IQGAP2: variants seen among roughly 807,000 people sequenced by gnomAD.
The protein encoded by IQGAP2 is IQ motif containing GTPase activating protein 2, also known as ras GTPase-activating-like protein IQGAP2.
IQGAP2 carries 173 observed loss-of-function variants against 201.3 expected under a neutral mutation model. The ratio of observed to expected loss-of-function variants is 0.86; its 90% CI spans 0.76 to 0.98. IQGAP2 has a LOEUF of 0.98. IQGAP2 is among the 50% of genes least tolerant of loss of function. The pLI, the probability that IQGAP2 is intolerant of heterozygous loss-of-function variation, is 0.00. For synonymous variants in IQGAP2, 675 were observed against 673.9 expected (o/e 1.00, Z -0.03); for missense variants, 1,687 against 1,864.8 (o/e 0.90, Z 1.76).
intron 32 of IQGAP2, among the ~76,000 whole-genome samples, chr5:76,696,889 C>G (rs1333827664): frequency 6.9e-6 from 1 of 145,232 alleles, no homozygotes; most frequent in Admixed American, 6.9e-5. Flanking sequence ...GAAGAATATT[C>G]TATTTAATGA....
At chr5:76,499,172 CAAG>C (rs1392700955) in intron 2 of IQGAP2, among the ~76,000 whole-genome samples, 1 of 152,196 alleles carries the variant, frequency 6.6e-6, no homozygotes, top group Admixed American at 6.5e-5. Flanking sequence ...TGTCTTAACA[CAAG>C]AAGCCGTCTC....
chr5:76,638,348 C>T (rs1000212431), intron 16 of IQGAP2, among the ~76,000 whole-genome samples: 2 of 152,092 alleles, frequency 1.3e-5, no homozygotes, highest in African/African-American at 4.8e-5. Flanking sequence ...CATTGCACTC[C>T]AGCCTGGGCG....
intron 2 of IQGAP2, among the ~76,000 whole-genome samples, chr5:76,470,579 G>T (rs942314779): frequency 2.0e-5 from 3 of 152,094 alleles, no homozygotes; most frequent in Non-Finnish European, 4.4e-5. Context: ...TTGTTGGTTT[G>T]TGTTTTTGTT....
chr5:76,621,588 G>A (rs555139737), intron 13 of IQGAP2, among the ~76,000 whole-genome samples: 1 of 152,184 alleles, frequency 6.6e-6, no homozygotes, highest in Non-Finnish European at 1.5e-5. Flanking sequence ...AAAACCAAGT[G>A]TTTGTCCGTT....
chr5:76,485,814 G>A (rs1407523585), intron 2 of IQGAP2, among the ~76,000 whole-genome samples: 1 of 152,178 alleles, frequency 6.6e-6, no homozygotes, highest in Non-Finnish European at 1.5e-5. Context: ...CCTGTTCTCT[G>A]TAGCTTCTGG....
At chr5:76,693,491 TTCA>T in intron 31 of IQGAP2, 49 bp downstream of exon 31, 2 of 1,170,188 alleles carry the variant, frequency 1.7e-6, no homozygotes, top group Non-Finnish European at 2.5e-6. Context: ...GTTGATTTTC[TTCA>T]TAAATCTTTA....
In IQGAP2 at chr5:76,597,569, C is replaced by T. The variant is rs369254878; in HGVS notation, c.1038C>T (p.Asn346=). The T allele has an allele frequency of 1.7e-5, 27 of 1,613,780 alleles. No individual in the cohort carries two copies. Among genetic ancestry groups the T allele is most frequent in the East Asian group, 1.3e-4 (6 of 44,884 alleles). ...VYPFAAAMYQ[N]ELFNLQKQNT... ...CCTTTGCTGCTGCCATGTATCAGAA[C>T]GAACTTTTCAACCTCCAGAAACAGA... Residue 346 remains asparagine, a synonymous_variant, in exon 10 of 36, where the codon AAC becomes AAT. Transcript: ENST00000274364.
chr5:76,563,976 T>C (rs903694959), intron 3 of IQGAP2, among the ~76,000 whole-genome samples: 15 of 152,232 alleles, frequency 9.9e-5, no homozygotes, highest in African/African-American at 2.9e-4. Flanking sequence ...CAAATTTATT[T>C]TGAGTCTGTT....
intron 2 of IQGAP2, among the ~76,000 whole-genome samples, chr5:76,507,704 C>T (rs1307311876): frequency 1.3e-5 from 2 of 152,054 alleles, no homozygotes; most frequent in African/African-American, 4.8e-5. Flanking sequence ...AATAAGAAAA[C>T]AATCTGATTA....
At chr5:76,521,163 C>A (rs1411633583) in intron 2 of IQGAP2, among the ~76,000 whole-genome samples, 2 of 151,988 alleles carry the variant, frequency 1.3e-5, no homozygotes, top group African/African-American at 4.8e-5. Context: ...TTTTCAGAAT[C>A]TGATTTAAGT....
intron 28 of IQGAP2, among the ~76,000 whole-genome samples, chr5:76,681,328 G>A (rs1473972485): frequency 6.6e-6 from 1 of 151,878 alleles, no homozygotes; most frequent in Non-Finnish European, 1.5e-5. Flanking sequence ...CACATGTCTG[G>A]TAAAGGGTTA....
At chr5:76,416,929 A>G (rs1751439494) in intron 1 of IQGAP2, among the ~76,000 whole-genome samples, 4 of 152,064 alleles carry the variant, frequency 2.6e-5, no homozygotes, top group Admixed American at 2.6e-4. Context: ...CCTGGGCTCA[A>G]GTGATCCTCC....
intron 23 of IQGAP2, 37 bp downstream of exon 23, chr5:76,668,881 A>G: frequency 7.5e-7 from 1 of 1,332,972 alleles, no homozygotes; most frequent in Non-Finnish European, 1.0e-6. Flanking sequence ...ATACCAGTGA[A>G]TCAATCCTTT....
At chr5:76,590,665 C>A in intron 8 of IQGAP2, 79 bp downstream of exon 8, 2 of 1,101,082 alleles carry the variant, frequency 1.8e-6, no homozygotes, top group Non-Finnish European at 1.3e-6. Context: ...ATGTTGAAAG[C>A]AATACTTTTA....
intron 1 of IQGAP2, among the ~76,000 whole-genome samples, chr5:76,429,592 A>T (rs1229544666): frequency 7.8e-6 from 1 of 127,680 alleles, no homozygotes; most frequent in East Asian, 2.0e-4. Flanking sequence ...TTATATATAT[A>T]TATATGTATA....
intron 2 of IQGAP2, among the ~76,000 whole-genome samples, chr5:76,540,859 C>T (rs1742723070): frequency 6.6e-6 from 1 of 152,132 alleles, no homozygotes; most frequent in African/African-American, 2.4e-5. Flanking sequence ...AGTAAGAAGG[C>T]CTCAACACTT....
At chr5:76,492,005 T>G (rs1756581158) in intron 2 of IQGAP2, among the ~76,000 whole-genome samples, 1 of 152,176 alleles carries the variant, frequency 6.6e-6, no homozygotes, top group African/African-American at 2.4e-5. Context: ...TTTGCTCACC[T>G]GCCATCTCCC....
chr5:76,467,668 A>G (rs897100657), intron 2 of IQGAP2, among the ~76,000 whole-genome samples: 3 of 152,228 alleles, frequency 2.0e-5, no homozygotes, highest in African/African-American at 7.2e-5. Flanking sequence ...ATCTATGCCC[A>G]TACAAAAACT....
chr5:76,446,917 T>C (rs540296846), intron 1 of IQGAP2, among the ~76,000 whole-genome samples: 115 of 152,284 alleles, frequency 7.6e-4, no homozygotes, highest in African/African-American at 2.1e-3. Context: ...CCCTCTGGCC[T>C]GTGTTTTCCC....
Sources: allele counts gnomAD v4.1 joint callset (sites outside exome capture counted in the v4.1 genomes callset), GRCh38; gene constraint gnomAD v4.1.1; transcripts MANE v1.5; gene names NCBI Gene and HGNC (gene_info 2026-07-23, HGNC 2026-07-21).